TOX: variants seen among roughly 807,000 people sequenced by gnomAD.
The protein encoded by TOX is thymocyte selection-associated high mobility group box protein TOX.
A neutral mutation model predicts 53.7 loss-of-function variants in TOX; 11 were observed. That is an observed-to-expected ratio of 0.20 (90% CI 0.13 to 0.34). The LOEUF is 0.34. TOX is among the 10% of genes least tolerant of loss of function. The pLI is 1.00. For missense variants in TOX, 570 were observed against 664.6 expected (o/e 0.86, Z 1.56); for synonymous variants, 225 against 245.3 (o/e 0.92, Z 0.77).
chr8:58,841,509 C>A (rs1412876186), intron 4 of TOX, among the ~76,000 whole-genome samples: 1 of 152,126 alleles, frequency 6.6e-6, no homozygotes, highest in Admixed American at 6.5e-5. Context: ...ACAAGGTCCA[C>A]AATGAAGAAT....
intron 1 of TOX, among the ~76,000 whole-genome samples, chr8:59,088,326 G>C (rs894458053): frequency 6.6e-6 from 1 of 152,144 alleles, no homozygotes; most frequent in Non-Finnish European, 1.5e-5. Flanking sequence ...TGCTTACGAA[G>C]GGATAGGTAA....
chr8:59,107,058 G>GGGGGA (rs1563448687), intron 1 of TOX, among the ~76,000 whole-genome samples: 6 of 112,580 alleles, frequency 5.3e-5, no homozygotes, highest in Non-Finnish European at 9.0e-5. Context: ...GGGGGGGGGG[G>GGGGGA]AACGTGACAT....
At chr8:58,880,758 T>C (rs1811370337) in intron 3 of TOX, among the ~76,000 whole-genome samples, 1 of 152,238 alleles carries the variant, frequency 6.6e-6, no homozygotes, top group African/African-American at 2.4e-5. Context: ...ATAATGTTTC[T>C]GTGCTGTCCA....
intron 1 of TOX, among the ~76,000 whole-genome samples, chr8:59,073,266 A>G (rs1804232188): frequency 6.6e-6 from 1 of 152,204 alleles, no homozygotes; most frequent in South Asian, 2.1e-4. Context: ...GGAGTTAGAA[A>G]CATCTCAGGG....
intron 1 of TOX, among the ~76,000 whole-genome samples, chr8:58,985,134 T>C (rs1489038228): frequency 1.3e-5 from 2 of 149,900 alleles, no homozygotes; most frequent in African/African-American, 4.9e-5. Flanking sequence ...GTCCATAGTC[T>C]ATATAGATAT....
At position 59,119,062 on chromosome 8, in the gene TOX, G is replaced by C. The variant is rs1221534761; in HGVS notation, c.-75C>G. The stretch of plus-strand genomic sequence containing the variant: ...AGTGTTCAGCAAAACAAGCTTAGAC[G>C]GAACAGAGTGAGGTGTCTGGGCTCA... On this transcript the variant is annotated 5_prime_UTR_variant, in exon 1 of 9. Coordinates refer to ENST00000361421, the MANE Select transcript of TOX (RefSeq NM_014729.3). 2.0e-6 allele frequency: 2 copies of C among 983,532 alleles called. No homozygotes were observed. Among genetic ancestry groups the C allele is most frequent in the Non-Finnish European group, 3.1e-6 (2 of 639,434 alleles). 60.9% of individuals were successfully genotyped at this position (983,532 alleles called of 1,614,324 possible).
chr8:58,962,383 TC>T lies in TOX; in HGVS notation c.103-2376del, dbSNP rs1812815273. Among the ~76,000 whole-genome samples the T allele has an allele frequency of 6.6e-5, 10 of 152,288 alleles. No individual in the cohort carries two copies. The South Asian group carries it at 2.1e-3, about 32-fold the overall frequency. On this transcript the variant is annotated intron_variant, in intron 1 of 8. Transcript: ENST00000361421. ...TTACATGTATTAACTGATTTAAGCA[TC>T]ACAAAACCAAGAGTTAGGTATTATT...
intron 6 of TOX, among the ~76,000 whole-genome samples, chr8:58,821,622 G>C (rs929508521): frequency 2.0e-5 from 3 of 151,764 alleles, no homozygotes; most frequent in Non-Finnish European, 4.4e-5. Flanking sequence ...TCCCAGCCCT[G>C]GCAACCACCG....
At chr8:59,032,275 C>A (rs1181395997) in intron 1 of TOX, among the ~76,000 whole-genome samples, 1 of 152,148 alleles carries the variant, frequency 6.6e-6, no homozygotes, top group Non-Finnish European at 1.5e-5. Flanking sequence ...TCTCTTACGG[C>A]CACTTTAAGT....
intron 2 of TOX, among the ~76,000 whole-genome samples, chr8:58,947,530 A>G (rs1035854253): frequency 6.6e-6 from 1 of 152,212 alleles, no homozygotes; most frequent in Non-Finnish European, 1.5e-5. Context: ...TAATTCCTCC[A>G]GAATTCAAAA....
intron 7 of TOX, among the ~76,000 whole-genome samples, chr8:58,810,865 A>AT (rs928860811): frequency 6.6e-6 from 1 of 151,882 alleles, no homozygotes; most frequent in Non-Finnish European, 1.5e-5. Flanking sequence ...AGAAACCGCC[A>AT]TTTTTTCCCC....
intron 1 of TOX, among the ~76,000 whole-genome samples, chr8:58,997,753 A>G (rs1813587282): frequency 6.6e-6 from 1 of 152,182 alleles, no homozygotes; most frequent in South Asian, 2.1e-4. Flanking sequence ...TATATTATTT[A>G]TAGTAGGATT....
chr8:58,944,156 A>G lies in TOX; in HGVS notation c.169-4612T>C, dbSNP rs137905797. 6.2e-3 allele frequency among the ~76,000 whole-genome samples: 937 copies of G among 152,334 alleles called. 48 individuals carry two copies. In the South Asian group the frequency reaches 0.087, roughly 14 times the overall value. ...TGTTGCTAGTGCTGAGCTACGCAACAGGACTCTTGTGTTCCAGCGCAAGAG... is the reference window on the plus strand; with the variant it reads ...TGTTGCTAGTGCTGAGCTACGCAACGGGACTCTTGTGTTCCAGCGCAAGAG... On this transcript the variant is annotated intron_variant, in intron 2 of 8. Transcript: ENST00000361421.
chr8:59,069,371 G>T (rs1804152720), intron 1 of TOX, among the ~76,000 whole-genome samples: 1 of 152,160 alleles, frequency 6.6e-6, no homozygotes, highest in Non-Finnish European at 1.5e-5. Context: ...AAACAAACAG[G>T]CTTGGGAGGA....
chr8:58,880,523 GC>G (rs1202966802), intron 3 of TOX, among the ~76,000 whole-genome samples: 2 of 152,154 alleles, frequency 1.3e-5, no homozygotes, highest in Non-Finnish European at 2.9e-5. Context: ...AGAGTGGCGG[GC>G]AGCTGAGTAT....
intron 3 of TOX, among the ~76,000 whole-genome samples, chr8:58,881,472 C>A (rs929782797): frequency 3.3e-5 from 5 of 151,964 alleles, no homozygotes; most frequent in African/African-American, 9.7e-5. Flanking sequence ...TGCTTGTAAT[C>A]CCAGCACTTC....
At chr8:59,039,223 G>A (rs1360044395) in intron 1 of TOX, among the ~76,000 whole-genome samples, 1 of 152,230 alleles carries the variant, frequency 6.6e-6, no homozygotes. Flanking sequence ...ATTAAGCAAA[G>A]AATGTCAAAC....
chr8:59,095,531 C>A (rs542835543), intron 1 of TOX, among the ~76,000 whole-genome samples: 2 of 152,134 alleles, frequency 1.3e-5, no homozygotes, highest in African/African-American at 4.8e-5. Flanking sequence ...CTCAGCCTCC[C>A]AAGTAGCTGG....
intron 1 of TOX, among the ~76,000 whole-genome samples, chr8:59,080,263 G>A (rs113104406): frequency 0.012 from 1,840 of 152,238 alleles, 52 homozygotes; most frequent in African/African-American, 0.042. Flanking sequence ...TTACAGGCGT[G>A]AGCCACTGCA....
Sources: allele counts gnomAD v4.1 joint callset (sites outside exome capture counted in the v4.1 genomes callset), GRCh38; gene constraint gnomAD v4.1.1; transcripts MANE v1.5; gene names NCBI Gene and HGNC (gene_info 2026-07-23, HGNC 2026-07-21).